The following PTDSS1 variants were observed in gnomAD, a reference collection of about 807,000 sequenced individuals.
PTDSS1 encodes the protein phosphatidylserine synthase 1.
A neutral mutation model predicts 70.5 loss-of-function variants in PTDSS1; 45 were observed. The observed-to-expected ratio is 0.64, with a 90% CI of 0.50 to 0.82. The LOEUF (loss-of-function observed/expected upper bound fraction) is 0.82, where lower values mean the gene tolerates loss of function less well. Ranked by LOEUF, PTDSS1 falls within the 40% of genes least tolerant of loss-of-function variation. The pLI, the probability that PTDSS1 is intolerant of heterozygous loss-of-function variation, is 0.00. For missense variants in PTDSS1, 417 were observed against 586.1 expected (o/e 0.71, Z 2.98); for synonymous variants, 188 against 203.8 (o/e 0.92, Z 0.66).
rs10092070 is a variant in PTDSS1 at position 96,278,885 on chromosome 8, A to G, written c.272-5224A>G. Among the ~76,000 whole-genome samples the G allele has an allele frequency of 4.2e-3, 637 of 152,300 alleles. 2 individuals are homozygous for G. The highest frequency in any genetic ancestry group is 6.5e-3 in the Non-Finnish European group (440 of 68,036). On this transcript the variant is annotated intron_variant, in intron 2 of 12. Transcript: ENST00000517309. ...TTCTCATGAATATATGCTGAATTAA[A>G]TAATAAATCCACCTGGAAAAAAGTT...
intron 2 of PTDSS1, 84 bp from the exon 3 acceptor site, chr8:96,284,025 T>C (rs890928400): frequency 2.1e-5 from 24 of 1,122,516 alleles, no homozygotes; most frequent in Admixed American, 1.2e-4. Context: ...CTTCTTGTTA[T>C]CTGTATGGAG....
At chr8:96,318,901 C>CTTTT (rs1475441195) in intron 9 of PTDSS1, among the ~76,000 whole-genome samples, 6 of 68,140 alleles carry the variant, frequency 8.8e-5, no homozygotes, top group East Asian at 4.9e-4. Context: ...CCCCTTCTTG[C>CTTTT]CTTTTTTTTT....
chr8:96,332,022 A>C (rs1811524085), intron 12 of PTDSS1, among the ~76,000 whole-genome samples: 1 of 18,510 alleles, frequency 5.4e-5, no homozygotes, highest in African/African-American at 2.9e-4. Context: ...CCTCTTAAAA[A>C]AAAAAAAAAA....
At chr8:96,322,669 CT>C (rs1483623692) in intron 10 of PTDSS1, among the ~76,000 whole-genome samples, 3 of 152,168 alleles carry the variant, frequency 2.0e-5, no homozygotes, top group Admixed American at 6.5e-5. Context: ...CATTCCACCC[CT>C]GACCCCCGCT....
chr8:96,321,723 T>G (rs1158779487), intron 10 of PTDSS1, among the ~76,000 whole-genome samples: 1 of 152,198 alleles, frequency 6.6e-6, no homozygotes, highest in Non-Finnish European at 1.5e-5. Context: ...ATTTTTAACG[T>G]GTCTTTTATC....
chr8:96,329,935 A>G (rs527986394), intron 10 of PTDSS1, among the ~76,000 whole-genome samples: 4 of 152,218 alleles, frequency 2.6e-5, no homozygotes, highest in Non-Finnish European at 5.9e-5. Context: ...TATCAAGAAA[A>G]TGCATCCCAC....
At chr8:96,322,924 G>A (rs901540236) in intron 10 of PTDSS1, among the ~76,000 whole-genome samples, 1 of 152,098 alleles carries the variant, frequency 6.6e-6, no homozygotes, top group Admixed American at 6.5e-5. Context: ...AACTATGCCA[G>A]CTGTGAGCCT....
In PTDSS1 at chr8:96,262,160, G is replaced by A; in HGVS notation, c.120G>A (p.Pro40=). The change falls in exon 1 of 13, where the codon CCG becomes CCA. Residue 40 remains proline, a synonymous_variant. Transcript: ENST00000517309. This position sits in a 1 kb window ranked among gnomAD's most constrained non-coding sequence, Gnocchi z 4.4. ...TCACCATTGACTTCTTCTACCGGCC[G>A]CATACCATCACCCTGCTCAGCTTCA... is the stretch of plus-strand genomic sequence containing the variant. ...EDITIDFFYR[P]HTITLLSFTI... is the part of the protein sequence containing the mutation. 1.2e-6 allele frequency: 2 copies of A among 1,613,906 alleles called. No homozygotes were observed. The highest frequency in any genetic ancestry group is 1.7e-6 in the Non-Finnish European group (2 of 1,179,812).
intron 1 of PTDSS1, among the ~76,000 whole-genome samples, chr8:96,266,871 A>C (rs1471250728): frequency 6.6e-6 from 1 of 152,186 alleles, no homozygotes; most frequent in African/African-American, 2.4e-5. Flanking sequence ...TTTTATGTCC[A>C]TAATACGATT....
intron 10 of PTDSS1, among the ~76,000 whole-genome samples, chr8:96,326,234 C>T (rs927835961): frequency 4.6e-5 from 7 of 152,266 alleles, no homozygotes; most frequent in African/African-American, 1.7e-4. Context: ...GAAACTGATA[C>T]CCCAAAACCA....
rs928725323 is a variant in PTDSS1 at position 96,336,153 on chromosome 8, T to C, written c.*2587T>C. The C allele has an allele frequency of 6.6e-6, 1 of 151,992 alleles. No individual in the cohort carries two copies. Among genetic ancestry groups the C allele is most frequent in the African/African-American group, 2.4e-5 (1 of 41,246 alleles). 9.4% of individuals were successfully genotyped at this position (151,992 alleles called of 1,614,324 possible). On this transcript the variant is annotated 3_prime_UTR_variant, in exon 13 of 13. Coordinates refer to ENST00000517309, the MANE Select transcript of PTDSS1 (RefSeq NM_014754.3). ...ATGTTTCATGGACCTGTTAAGCATTTTGATGATACAAGACATCCTATCAAT... is the reference window on the plus strand; with the variant it reads ...ATGTTTCATGGACCTGTTAAGCATTCTGATGATACAAGACATCCTATCAAT...
Position 96,262,039 on chromosome 8 carries a change from C to G in PTDSS1, c.-2C>G, listed in dbSNP as rs1810410397. ...CACCGCGGCAGGACGGGGAGGCGGGCCATGGCGTCCTGCGTGGGGAGCCGG... is the reference window on the plus strand; with the variant it reads ...CACCGCGGCAGGACGGGGAGGCGGGGCATGGCGTCCTGCGTGGGGAGCCGG... On this transcript the variant is annotated 5_prime_UTR_variant, in exon 1 of 13. Coordinates refer to ENST00000517309, the MANE Select transcript of PTDSS1 (RefSeq NM_014754.3). The surrounding 1 kb of genome is among the most constrained non-coding windows in gnomAD (Gnocchi z 4.4). The G allele has an allele frequency of 1.2e-6, 2 of 1,611,048 alleles. No individual in the cohort carries two copies. The highest frequency in any genetic ancestry group is 1.7e-6 in the Non-Finnish European group (2 of 1,178,454).
chr8:96,262,289 G>A lies in PTDSS1; in HGVS notation c.179+70G>A. The A allele has an allele frequency of 9.3e-7, 1 of 1,070,680 alleles. No homozygotes were observed. The highest frequency in any genetic ancestry group is 1.9e-5 in the Admixed American group (1 of 51,412). The allele number at this position is 1,070,680 out of a possible 1,614,324, so 66.3% of individuals were successfully genotyped here. ...AAGAGGCGGGAGGGAGGGTGGCGGG[G>A]AGGGGGGCCCGGCATGGCTCTGGGT... On this transcript the variant is annotated intron_variant, in intron 1 of 12. Coordinates refer to ENST00000517309, the MANE Select transcript of PTDSS1 (RefSeq NM_014754.3). The surrounding 1 kb of genome is among the most constrained non-coding windows in gnomAD (Gnocchi z 4.4).
At chr8:96,299,159 G>C (rs1006146886) in intron 5 of PTDSS1, among the ~76,000 whole-genome samples, 7 of 152,068 alleles carry the variant, frequency 4.6e-5, no homozygotes, top group Admixed American at 2.0e-4. Flanking sequence ...TCATTATTGT[G>C]AATCAGTTGG....
At chr8:96,322,061 C>A (rs141828667) in intron 10 of PTDSS1, among the ~76,000 whole-genome samples, 3 of 152,120 alleles carry the variant, frequency 2.0e-5, no homozygotes, top group Admixed American at 1.3e-4. Flanking sequence ...TCACCGGGTA[C>A]CAGAGAACCA....
chr8:96,301,350 A>G (rs937374528), intron 6 of PTDSS1, among the ~76,000 whole-genome samples: 1 of 151,536 alleles, frequency 6.6e-6, no homozygotes, highest in Admixed American at 6.6e-5. Flanking sequence ...CCGCCTCAGC[A>G]TCTCAAAGTG....
intron 2 of PTDSS1, among the ~76,000 whole-genome samples, chr8:96,279,929 A>G (rs933953463): frequency 1.3e-5 from 2 of 152,160 alleles, no homozygotes; most frequent in Non-Finnish European, 2.9e-5. Flanking sequence ...GAAGAACTCT[A>G]ACTAATAATA....
intron 2 of PTDSS1, among the ~76,000 whole-genome samples, chr8:96,275,467 A>C (rs1487282128): frequency 1.3e-5 from 2 of 152,204 alleles, no homozygotes. Flanking sequence ...AAAATCCCTG[A>C]CGTCAAACAG....
At chr8:96,284,792 T>C (rs1048286764) in intron 3 of PTDSS1, among the ~76,000 whole-genome samples, 13 of 152,378 alleles carry the variant, frequency 8.5e-5, no homozygotes, top group Admixed American at 3.3e-4. Context: ...AATGTAATCT[T>C]ATGTAAAAAT....
Sources: allele counts gnomAD v4.1 joint callset (sites outside exome capture counted in the v4.1 genomes callset), GRCh38; gene constraint gnomAD v4.1.1; non-coding constraint Gnocchi (gnomAD v3.1); transcripts MANE v1.5; gene names NCBI Gene and HGNC (gene_info 2026-07-23, HGNC 2026-07-21).